The following KCNB2 variants were observed in gnomAD, a reference collection of about 807,000 sequenced individuals.
The protein encoded by KCNB2 is delayed rectifier potassium channel protein.
KCNB2 carries 15 observed loss-of-function variants against 61.5 expected under a neutral mutation model. That is an observed-to-expected ratio of 0.24 (90% confidence interval 0.16 to 0.38). KCNB2 has a LOEUF of 0.38. Among genes scored for constraint, KCNB2 ranks in the 10% least tolerant of loss-of-function variants. The pLI is 1.00. For missense variants in KCNB2, 828 were observed against 1,125.2 expected, an observed-to-expected ratio of 0.74 and a Z score of 3.78; for synonymous variants, 457 against 446.0, an observed-to-expected ratio of 1.02 and a Z score of -0.31.
chr8:72,764,463 T>C (rs1012282374), intron 2 of KCNB2, among the ~76,000 whole-genome samples: 1 of 152,118 alleles, frequency 6.6e-6, no homozygotes, highest in African/African-American at 2.4e-5. Flanking sequence ...ACAGGGCTCA[T>C]GGTTCTATCA....
chr8:72,626,510 G>A (rs778190777), intron 2 of KCNB2, among the ~76,000 whole-genome samples: 1 of 152,226 alleles, frequency 6.6e-6, no homozygotes, highest in Non-Finnish European at 1.5e-5. Flanking sequence ...CATAGAGCTA[G>A]CTCTTGTTGA....
chr8:72,851,826 GAAAAAAAAAA>G (rs55696554), intron 2 of KCNB2, among the ~76,000 whole-genome samples: 33 of 43,864 alleles, frequency 7.5e-4, no homozygotes, highest in African/African-American at 2.8e-3. Context: ...GAAGCTGTAG[GAAAAAAAAAA>G]AAAAAAAAAA....
chr8:72,868,979 G>T (rs1805575763), intron 2 of KCNB2, among the ~76,000 whole-genome samples: 1 of 152,128 alleles, frequency 6.6e-6, no homozygotes, highest in Non-Finnish European at 1.5e-5. Flanking sequence ...ATCAGAACTA[G>T]GCAGATGACT....
chr8:72,739,433 T>C (rs1807907390), intron 2 of KCNB2, among the ~76,000 whole-genome samples: 1 of 151,904 alleles, frequency 6.6e-6, no homozygotes, highest in Non-Finnish European at 1.5e-5. Context: ...TGGCATAGGG[T>C]TAAAGACATA....
At chr8:72,615,779 G>A (rs571783041) in intron 2 of KCNB2, among the ~76,000 whole-genome samples, 104 of 152,296 alleles carry the variant, frequency 6.8e-4, no homozygotes, top group African/African-American at 2.2e-3. Flanking sequence ...GCCCAAGTGA[G>A]GCACAGTTTT....
At position 72,652,651 on chromosome 8, in the gene KCNB2, C is replaced by A. The variant is rs146220431; in HGVS notation, c.579+84338C>A. ...CTCAGGCTGACATTTCATCAGTATG[C>A]ATTGATAGGGCTTAATGACCGGTAC... On this transcript the variant is annotated intron_variant, in intron 2 of 2. Coordinates refer to ENST00000523207, the MANE Select transcript of KCNB2 (RefSeq NM_004770.3). 1.6e-3 allele frequency among the ~76,000 whole-genome samples: 242 copies of A among 152,176 alleles called. 2 individuals carry two copies. Among genetic ancestry groups the A allele is most frequent in the African/African-American group, 5.4e-3 (226 of 41,542 alleles).
At chr8:72,882,433 C>G (rs549292505) in intron 2 of KCNB2, among the ~76,000 whole-genome samples, 167 of 151,720 alleles carry the variant, frequency 1.1e-3, no homozygotes, top group African/African-American at 3.8e-3. Flanking sequence ...TGGCTCTTTC[C>G]AGCTCATTCA....
At chr8:72,746,622 C>T (rs1289722041) in intron 2 of KCNB2, among the ~76,000 whole-genome samples, 2 of 152,136 alleles carry the variant, frequency 1.3e-5, no homozygotes, top group African/African-American at 4.8e-5. Context: ...TACACAGAAA[C>T]TGCCTTCTGT....
At chr8:72,802,502 A>C (rs1405260924) in intron 2 of KCNB2, among the ~76,000 whole-genome samples, 1 of 152,226 alleles carries the variant, frequency 6.6e-6, no homozygotes, top group Non-Finnish European at 1.5e-5. Context: ...TACTAAGGAC[A>C]GATGCTTATT....
At chr8:72,788,010 T>C (rs527567727) in intron 2 of KCNB2, among the ~76,000 whole-genome samples, 1 of 152,314 alleles carries the variant, frequency 6.6e-6, no homozygotes, top group East Asian at 1.9e-4. Flanking sequence ...TGATTTTCTA[T>C]GTCACTATTT....
chr8:72,922,131 A>G (rs941933447), intron 2 of KCNB2, among the ~76,000 whole-genome samples: 1 of 151,834 alleles, frequency 6.6e-6, no homozygotes, highest in African/African-American at 2.4e-5. Flanking sequence ...CTTTTTTTAG[A>G]TTTTGCTGGT....
intron 2 of KCNB2, among the ~76,000 whole-genome samples, chr8:72,765,066 A>C (rs910110666): frequency 6.6e-6 from 1 of 152,206 alleles, no homozygotes; most frequent in East Asian, 1.9e-4. Flanking sequence ...TTTAATTGTG[A>C]GGAATTTTAG....
intron 2 of KCNB2, among the ~76,000 whole-genome samples, chr8:72,669,384 T>C (rs1806527177): frequency 6.6e-6 from 1 of 152,232 alleles, no homozygotes; most frequent in Non-Finnish European, 1.5e-5. Context: ...ATTTGACTAA[T>C]ATATTTAACT....
intron 2 of KCNB2, among the ~76,000 whole-genome samples, chr8:72,716,789 CAT>C (rs1237011553): frequency 1.3e-5 from 2 of 152,018 alleles, no homozygotes; most frequent in African/African-American, 4.8e-5. Context: ...TCCTATTCAA[CAT>C]AGTGTTGGAA....
intron 2 of KCNB2, among the ~76,000 whole-genome samples, chr8:72,801,596 A>G (rs951016252): frequency 3.3e-5 from 5 of 152,212 alleles, no homozygotes; most frequent in Non-Finnish European, 5.9e-5. Context: ...AAAATGAATG[A>G]CATGTTCCAT....
chr8:72,802,046 A>G (rs1351548191), intron 2 of KCNB2, among the ~76,000 whole-genome samples: 4 of 152,166 alleles, frequency 2.6e-5, no homozygotes, highest in Non-Finnish European at 5.9e-5. Context: ...CCAGATCTCA[A>G]TTTGAATAAT....
intron 2 of KCNB2, among the ~76,000 whole-genome samples, chr8:72,871,326 A>G (rs182733646): frequency 1.2e-4 from 18 of 152,358 alleles, no homozygotes; most frequent in South Asian, 2.1e-4. Flanking sequence ...GAATTAACAA[A>G]TGAATGCATA....
rs1187550622 is a variant in KCNB2, at chr8:72,859,707, G to GTTTTTT, written c.580-76204_580-76199dup. On this transcript the variant is annotated intron_variant, in intron 2 of 2. Transcript: ENST00000523207. Reference sequence around the variant, plus strand: ...GTAGCATGGATCAGTACTTCATTTCGTTTTTTTTTTTTTTTTTTTTTTTTT... The same window carrying GTTTTTT: ...GTAGCATGGATCAGTACTTCATTTCGTTTTTTTTTTTTTTTTTTTTTTTTTTTTTTT... 1.0e-3 allele frequency among the ~76,000 whole-genome samples: 42 copies of GTTTTTT among 42,010 alleles called. 1 individual carries two copies. Among genetic ancestry groups the GTTTTTT allele is most frequent in the East Asian group, 7.6e-3 (13 of 1,712 alleles). 27.6% of individuals were successfully genotyped at this position (42,010 alleles called of 152,430 possible).
At chr8:72,731,419 A>G (rs1483303176) in intron 2 of KCNB2, among the ~76,000 whole-genome samples, 1 of 152,234 alleles carries the variant, frequency 6.6e-6, no homozygotes, top group African/African-American at 2.4e-5. Context: ...ATTAATCATC[A>G]TTGTATGTTA....
Sources: gnomAD v4.1 joint callset for allele counts (sites outside exome capture counted in the v4.1 genomes callset) on GRCh38, gnomAD v4.1.1 for gene constraint, MANE v1.5 for transcripts, NCBI Gene and HGNC (gene_info 2026-07-23, HGNC 2026-07-21) for gene names.